The following CALCR variants were observed in gnomAD, a reference collection of about 807,000 sequenced individuals.
CALCR encodes the protein calcitonin receptor.
Under a neutral mutation model 59.5 loss-of-function variants are expected in CALCR, and 47 were observed. That is an observed-to-expected ratio of 0.79 (90% CI 0.63 to 1.01). The LOEUF is 1.01. CALCR is among the 50% of genes least tolerant of loss of function. The probability of loss-of-function intolerance (pLI) is 0.00; values close to 1 mark genes in which losing one functional copy is unlikely to be tolerated. For missense variants in CALCR, 566 were observed against 597.1 expected (o/e 0.95, Z 0.54); for synonymous variants, 213 against 211.3 (o/e 1.01, Z -0.07).
At chr7:93,558,409 T>C (rs1789660551) in intron 2 of CALCR, among the ~76,000 whole-genome samples, 1 of 152,080 alleles carries the variant, frequency 6.6e-6, no homozygotes, top group Non-Finnish European at 1.5e-5. Context: ...TACTCTGCTA[T>C]TTGTTTTAGA....
intron 6 of CALCR, among the ~76,000 whole-genome samples, chr7:93,469,397 T>C (rs879371075): frequency 6.6e-5 from 10 of 151,752 alleles, no homozygotes; most frequent in Non-Finnish European, 1.2e-4. Context: ...CGGAAGAATG[T>C]CCTTCTCATA....
intron 2 of CALCR, among the ~76,000 whole-genome samples, chr7:93,494,180 G>C (rs1801147021): frequency 1.3e-5 from 2 of 151,358 alleles, no homozygotes; most frequent in South Asian, 4.2e-4. Flanking sequence ...TTATGAAGGT[G>C]AATATGTGGT....
intron 9 of CALCR, among the ~76,000 whole-genome samples, chr7:93,440,260 T>C (rs1799872065): frequency 1.3e-5 from 2 of 152,182 alleles, no homozygotes; most frequent in African/African-American, 4.8e-5. Flanking sequence ...TCATACTGTC[T>C]TCATGTGAAA....
chr7:93,494,145 C>T (rs977855496), intron 2 of CALCR, among the ~76,000 whole-genome samples: 2 of 151,380 alleles, frequency 1.3e-5, no homozygotes, highest in African/African-American at 2.4e-5. Flanking sequence ...AATGTGAGAG[C>T]TAATATGGCG....
chr7:93,510,294 G>C lies in CALCR; in HGVS notation c.-26-23287C>G, dbSNP rs148184965. ...CAGAGTAACATCAGGAGCTACTTAGGACCCGTCCAATGTCCATGGGGGAAA... is the reference window on the plus strand; with the variant it reads ...CAGAGTAACATCAGGAGCTACTTAGCACCCGTCCAATGTCCATGGGGGAAA... On this transcript the variant is annotated intron_variant, in intron 2 of 13. Transcript: ENST00000426151. Among the ~76,000 whole-genome samples the C allele has an allele frequency of 7.2e-5, 11 of 152,126 alleles. No individual in the cohort carries two copies. In the East Asian group the frequency reaches 1.5e-3, roughly 21 times the overall value.
At chr7:93,427,659 C>A (rs1299948648) in intron 13 of CALCR, among the ~76,000 whole-genome samples, 1 of 151,954 alleles carries the variant, frequency 6.6e-6, no homozygotes, top group Non-Finnish European at 1.5e-5. Context: ...TTGTACAAAT[C>A]TGAGAGATGA....
chr7:93,542,321 G>A (rs750734001), intron 2 of CALCR, among the ~76,000 whole-genome samples: 3 of 152,120 alleles, frequency 2.0e-5, no homozygotes, highest in Non-Finnish European at 2.9e-5. Context: ...TAACATGATG[G>A]CAAGTGTTTG....
rs149148735 is a variant in CALCR, at chr7:93,497,914, A to G, written c.-26-10907T>C. On this transcript the variant is annotated intron_variant, in intron 2 of 13. Coordinates refer to ENST00000426151, the MANE Select transcript of CALCR (RefSeq NM_001742.4). ...CAGAAATCCCTGGTAGGAATAATCC[A>G]GCATGGATATATATTTCCAGCTATT... is the stretch of plus-strand genomic sequence containing the variant. Among the ~76,000 whole-genome samples, 992 of 151,772 alleles carry G rather than the reference A, an allele frequency of 6.5e-3. 16 individuals carry two copies. Among genetic ancestry groups the G allele is most frequent in the African/African-American group, 0.023 (945 of 41,512 alleles).
intron 3 of CALCR, among the ~76,000 whole-genome samples, chr7:93,481,928 A>C (rs887013682): frequency 1.3e-5 from 2 of 151,872 alleles, no homozygotes; most frequent in African/African-American, 4.8e-5. Flanking sequence ...AAACTTGATG[A>C]GCCCAACATT....
intron 2 of CALCR, among the ~76,000 whole-genome samples, chr7:93,533,069 T>C (rs960175160): frequency 6.6e-6 from 1 of 151,952 alleles, no homozygotes; most frequent in African/African-American, 2.4e-5. Context: ...CTCATTTTTA[T>C]CCTTGTTATT....
At chr7:93,491,203 T>C (rs1297724708) in intron 2 of CALCR, among the ~76,000 whole-genome samples, 2 of 152,088 alleles carry the variant, frequency 1.3e-5, no homozygotes, top group South Asian at 4.1e-4. Flanking sequence ...TAGCTAGCCA[T>C]ATGCAGAAAA....
intron 2 of CALCR, among the ~76,000 whole-genome samples, chr7:93,555,261 G>C (rs768529041): frequency 6.6e-6 from 1 of 152,014 alleles, no homozygotes; most frequent in African/African-American, 2.4e-5. Context: ...AGTTGGAAGG[G>C]GACTTTTATC....
At chr7:93,491,767 C>A (rs1801083080) in intron 2 of CALCR, among the ~76,000 whole-genome samples, 1 of 151,596 alleles carries the variant, frequency 6.6e-6, no homozygotes, top group South Asian at 2.1e-4. Context: ...GCTGGTGAGG[C>A]TGTGGAGAAT....
At chr7:93,429,734 G>C (rs1046139557) in intron 13 of CALCR, among the ~76,000 whole-genome samples, 3 of 151,868 alleles carry the variant, frequency 2.0e-5, no homozygotes, top group African/African-American at 7.3e-5. Flanking sequence ...TAGAAGGTGA[G>C]GTTTACCTCT....
chr7:93,430,828 G>A (rs1799643389), intron 13 of CALCR, among the ~76,000 whole-genome samples: 1 of 152,180 alleles, frequency 6.6e-6, no homozygotes, highest in Non-Finnish European at 1.5e-5. Flanking sequence ...TCTTCCAGGT[G>A]ATTCTGATGT....
At position 93,468,822 on chromosome 7, in the gene CALCR, G is replaced by A. The variant is rs201347597; in HGVS notation, c.430-16C>T. 1.1e-6 allele frequency: 1 copy of A among 898,184 alleles called. No homozygotes were observed. 55.6% of individuals were successfully genotyped at this position (898,184 alleles called of 1,614,324 possible). On this transcript the variant is annotated splice_polypyrimidine_tract_variant and intron_variant, in intron 6 of 13. Coordinates refer to ENST00000426151, the MANE Select transcript of CALCR (RefSeq NM_001742.4). The stretch of plus-strand genomic sequence containing the variant: ...CATATGCATTCTGGAACAACAAAAA[G>A]TAAACAAACAAACAATGAATGAATG...
At chr7:93,554,425 A>G (rs1447077991) in intron 2 of CALCR, among the ~76,000 whole-genome samples, 1 of 152,130 alleles carries the variant, frequency 6.6e-6, no homozygotes, top group Non-Finnish European at 1.5e-5. Context: ...AAGAAAGGAA[A>G]GAGATCAAAG....
At chr7:93,451,054 T>A (rs78639473) in intron 8 of CALCR, among the ~76,000 whole-genome samples, 143 of 152,048 alleles carry the variant, frequency 9.4e-4, no homozygotes, top group African/African-American at 3.2e-3. Flanking sequence ...ACTTCCTGCC[T>A]TCATGATTTG....
intron 11 of CALCR, among the ~76,000 whole-genome samples, chr7:93,436,789 C>T: frequency 6.6e-6 from 1 of 152,160 alleles, no homozygotes. Context: ...ACTAAAAACA[C>T]ATTTTTTGGT....
Sources: allele counts gnomAD v4.1 joint callset (sites outside exome capture counted in the v4.1 genomes callset), GRCh38; gene constraint gnomAD v4.1.1; transcripts MANE v1.5; gene names NCBI Gene and HGNC (gene_info 2026-07-23, HGNC 2026-07-21).